The following PRKG1 variants were observed in gnomAD, a reference collection of about 807,000 sequenced individuals.
PRKG1 encodes protein kinase cGMP-dependent 1.
A neutral mutation model predicts 88.1 loss-of-function variants in PRKG1; 35 were observed. The observed-to-expected ratio is 0.40, with a 90% CI of 0.30 to 0.53. The LOEUF (loss-of-function observed/expected upper bound fraction) is 0.53, where lower values mean the gene tolerates loss of function less well. Among genes scored for constraint, PRKG1 ranks in the 20% least tolerant of loss-of-function variants. The pLI, the probability that PRKG1 is intolerant of heterozygous loss-of-function variation, is 0.59. For synonymous variants in PRKG1, 303 were observed against 292.5 expected (o/e 1.04, Z -0.37); for missense variants, 540 against 839.8 (o/e 0.64, Z 4.41).
rs377175956 is a variant in PRKG1 at position 50,995,140 on chromosome 10, A to G, written c.266+3496A>G. Among the ~76,000 whole-genome samples the G allele has an allele frequency of 3.9e-5, 6 of 152,228 alleles. No homozygotes were observed. The South Asian group carries it at 1.2e-3, about 32-fold the overall frequency. On this transcript the variant is annotated intron_variant, in intron 1 of 17. Coordinates refer to the PRKG1 transcript ENST00000401604. ...ACTTTTGCCTATAAACACTGCTTCA[A>G]TGAATGATTACAATCTTAAAAATTT... is the stretch of plus-strand genomic sequence containing the variant.
chr10:51,355,957 G>A (rs550248386), intron 2 of PRKG1, among the ~76,000 whole-genome samples: 96 of 152,148 alleles, frequency 6.3e-4, no homozygotes, highest in African/African-American at 2.2e-3. Flanking sequence ...GGAAAAGCCT[G>A]AGCTACAGCA....
At chr10:51,083,649 G>C (rs893540947) in intron 1 of PRKG1, among the ~76,000 whole-genome samples, 7 of 152,264 alleles carry the variant, frequency 4.6e-5, no homozygotes, top group African/African-American at 1.7e-4. Flanking sequence ...TTTCCAGGAG[G>C]CTTGGTTTAA....
intron 9 of PRKG1, among the ~76,000 whole-genome samples, chr10:52,222,077 A>G (rs1840258549): frequency 6.6e-6 from 1 of 151,916 alleles, no homozygotes; most frequent in Admixed American, 6.6e-5. Flanking sequence ...GAGTCAGGGG[A>G]ATTGGGTGAG....
At chr10:51,671,590 C>CTCTT (rs1554830684) in intron 3 of PRKG1, among the ~76,000 whole-genome samples, 1 of 141,786 alleles carries the variant, frequency 7.1e-6, no homozygotes, top group African/African-American at 2.6e-5. Flanking sequence ...CTCTCTCTCT[C>CTCTT]TTTTTTTTTT....
intron 2 of PRKG1, among the ~76,000 whole-genome samples, chr10:51,358,933 T>C (rs890882904): frequency 2.3e-5 from 2 of 88,028 alleles, no homozygotes; most frequent in African/African-American, 4.7e-5. Context: ...ACGTTATTTA[T>C]TGGGGGGGGG....
At chr10:51,386,940 G>T (rs1383729769) in intron 2 of PRKG1, among the ~76,000 whole-genome samples, 1 of 152,220 alleles carries the variant, frequency 6.6e-6, no homozygotes, top group Non-Finnish European at 1.5e-5. Flanking sequence ...AAACTGTTGG[G>T]ATTTACAAAT....
chr10:51,830,116 T>A (rs1241495744), intron 4 of PRKG1, among the ~76,000 whole-genome samples: 1 of 152,152 alleles, frequency 6.6e-6, no homozygotes, highest in Non-Finnish European at 1.5e-5. Context: ...GGATTTGATA[T>A]GTTCTATACT....
chr10:52,096,537 C>T (rs1241288042), intron 7 of PRKG1, among the ~76,000 whole-genome samples: 2 of 152,118 alleles, frequency 1.3e-5, no homozygotes, highest in Non-Finnish European at 2.9e-5. Context: ...CCATATATTC[C>T]TTGGGAAAAT....
chr10:52,259,031 G>C (rs1841372233), intron 10 of PRKG1, among the ~76,000 whole-genome samples: 1 of 151,522 alleles, frequency 6.6e-6, no homozygotes. Flanking sequence ...CCAGACTAGA[G>C]TGAATTACTG....
chr10:52,264,605 C>T (rs1589744366), intron 10 of PRKG1, among the ~76,000 whole-genome samples: 1 of 152,192 alleles, frequency 6.6e-6, no homozygotes, highest in Middle Eastern at 3.4e-3. Flanking sequence ...TTATGCTTCA[C>T]CAAATAATAT....
At chr10:51,193,259 T>C (rs1194106094) in intron 2 of PRKG1, among the ~76,000 whole-genome samples, 1 of 151,978 alleles carries the variant, frequency 6.6e-6, no homozygotes, top group Non-Finnish European at 1.5e-5. Context: ...CTTTTATCAG[T>C]ATGCCTCAGA....
At chr10:51,029,050 T>C (rs1003858871) in intron 1 of PRKG1, among the ~76,000 whole-genome samples, 4 of 152,134 alleles carry the variant, frequency 2.6e-5, no homozygotes, top group African/African-American at 9.6e-5. Flanking sequence ...AATGGAAAGG[T>C]ACCAAATAAA....
At chr10:51,479,947 C>G (rs1840308002) in intron 3 of PRKG1, among the ~76,000 whole-genome samples, 1 of 151,710 alleles carries the variant, frequency 6.6e-6, no homozygotes, top group African/African-American at 2.4e-5. Context: ...TCACCAGTAG[C>G]TTAAAATTTA....
chr10:51,360,169 T>C (rs1345265031), intron 2 of PRKG1, among the ~76,000 whole-genome samples: 2 of 151,922 alleles, frequency 1.3e-5, no homozygotes, highest in African/African-American at 2.4e-5. Context: ...GCACCAGCTA[T>C]AGGAGGTGTT....
At chr10:50,997,786 T>C (rs866435753) in intron 1 of PRKG1, among the ~76,000 whole-genome samples, 1 of 152,136 alleles carries the variant, frequency 6.6e-6, no homozygotes, top group Non-Finnish European at 1.5e-5. Context: ...TCTAGAGTCA[T>C]TGGTGTGCTG....
intron 13 of PRKG1, among the ~76,000 whole-genome samples, chr10:52,281,290 A>G (rs1841997657): frequency 6.6e-6 from 1 of 152,158 alleles, no homozygotes; most frequent in Non-Finnish European, 1.5e-5. Context: ...TCATTTTAAT[A>G]TTTTAGATTT....
chr10:51,478,950 T>C (rs957273114), intron 3 of PRKG1, among the ~76,000 whole-genome samples: 2 of 152,068 alleles, frequency 1.3e-5, no homozygotes, highest in African/African-American at 4.8e-5. Flanking sequence ...ATTTGTTTCA[T>C]GACTAATAAA....
chr10:51,015,083 C>G (rs928437479), intron 1 of PRKG1, among the ~76,000 whole-genome samples: 10 of 152,298 alleles, frequency 6.6e-5, no homozygotes, highest in Non-Finnish European at 1.0e-4. Context: ...AAAAACCACA[C>G]CCATATTTCT....
intron 5 of PRKG1, among the ~76,000 whole-genome samples, chr10:51,988,583 T>C (rs1453470326): frequency 6.6e-6 from 1 of 152,070 alleles, no homozygotes; most frequent in East Asian, 1.9e-4. Context: ...ATTGTTTAAA[T>C]TTTCACTTCT....
Sources: gnomAD v4.1 joint callset for allele counts (sites outside exome capture counted in the v4.1 genomes callset) on GRCh38, gnomAD v4.1.1 for gene constraint, MANE v1.5 for transcripts, NCBI Gene and HGNC (gene_info 2026-07-23, HGNC 2026-07-21) for gene names.